The following PCK2 variants were observed in gnomAD, a reference collection of about 807,000 sequenced individuals.
The protein encoded by PCK2 is phosphoenolpyruvate carboxykinase [GTP], mitochondrial.
In PCK2, 56 loss-of-function variants were observed where a neutral mutation model predicts 65.9. The observed-to-expected ratio is 0.85, with a 90% CI of 0.69 to 1.06. The LOEUF is 1.06. PCK2 is among the 50% of genes least tolerant of loss of function. The pLI, the probability that PCK2 is intolerant of heterozygous loss-of-function variation, is 0.00. For missense variants in PCK2, 843 were observed against 863.1 expected (o/e 0.98, Z 0.29); for synonymous variants, 305 against 319.6 (o/e 0.95, Z 0.49).
rs564021964 is a variant in PCK2, at chr14:24,100,134, C to T, written c.1155C>T (p.Gly385=). 2.6e-4 allele frequency: 417 copies of T among 1,613,396 alleles called. 2 individuals carry two copies. The highest frequency in any genetic ancestry group is 2.2e-3 in the South Asian group (204 of 90,982). The change falls in exon 7 of 10, where the codon GGC becomes GGT. Residue 385 remains glycine, a synonymous_variant. Coordinates refer to ENST00000216780, the MANE Select transcript of PCK2 (RefSeq NM_004563.4). The part of the protein sequence containing the change: ...FTNVAETSDG[G]VYWEGIDQPL... ...ATGTGGCTGAGACCAGTGATGGTGG[C>T]GTGTACTGGGAGGGCATTGACCAGC...
At chr14:24,097,278 G>T (rs2036929096) in intron 2 of PCK2, 141 bp downstream of exon 2, 1 of 788,558 alleles carries the variant, frequency 1.3e-6, no homozygotes. Flanking sequence ...CAGAAACTGG[G>T]ATTTGCTTAC....
intron 8 of PCK2, 29 bp downstream of exon 8, chr14:24,102,919 G>A: frequency 6.2e-7 from 1 of 1,604,584 alleles, no homozygotes; most frequent in Non-Finnish European, 8.5e-7. Flanking sequence ...CCATGTTCTT[G>A]GCAAAAGGGC....
At chr14:24,098,000 G>A (rs968465693) in intron 2 of PCK2, among the ~76,000 whole-genome samples, 1 of 151,966 alleles carries the variant, frequency 6.6e-6, no homozygotes, top group South Asian at 2.1e-4. Context: ...CTTTTGCCAG[G>A]GGCAGAGACC....
chr14:24,099,101 C>G lies in PCK2; in HGVS notation c.717C>G (p.His239Gln), dbSNP rs1320018785. Residue 239 changes from histidine to glutamine, a missense_variant, in exon 5 of 10, where the codon CAC (histidine) becomes CAG (glutamine). By Grantham distance (24) the His-to-Gln change is conservative. Transcript: ENST00000216780. ...ACCCAGAGAAAACCCTGATTGGCCA[C>G]GTGCCCGACCAGCGGGAGATCATCT... ...PCNPEKTLIG[H>Q]VPDQREIISF... is the part of the protein sequence containing the mutation. 1 of 1,611,848 alleles carries G rather than the reference C, an allele frequency of 6.2e-7. No individual in the cohort carries two copies. Among genetic ancestry groups the G allele is most frequent in the South Asian group, 1.1e-5 (1 of 91,066 alleles).
At chr14:24,098,096 A>G (rs987670821) in intron 2 of PCK2, 107 bp from the exon 3 acceptor site, 4 of 900,464 alleles carry the variant, frequency 4.4e-6, no homozygotes, top group Admixed American at 2.8e-5. Flanking sequence ...GTGGGGAAAC[A>G]TAAGGCCAAC....
At chr14:24,100,886 G>A (rs566139581) in intron 7 of PCK2, among the ~76,000 whole-genome samples, 16 of 152,226 alleles carry the variant, frequency 1.1e-4, no homozygotes, top group South Asian at 2.1e-4. Context: ...TACCCTGGGC[G>A]CCTGGGAGTC....
Position 24,098,309 on chromosome 14 carries a change from C to G in PCK2, c.382C>G (p.Arg128Gly). The G allele has an allele frequency of 1.2e-6, 2 of 1,614,094 alleles. No homozygotes were observed. The highest frequency in any genetic ancestry group is 1.7e-6 in the Non-Finnish European group (2 of 1,179,978). ...GGTACCACTCCCGCCTGGTGGGGCC[C>G]GTGGGCAGCTGGGCAACTGGATGTC... ...DTVPLPPGGA[R>G]GQLGNWMSPA... Residue 128 changes from arginine to glycine, a missense_variant, in exon 3 of 10, where the codon CGT becomes GGT. Coordinates refer to ENST00000216780, the MANE Select transcript of PCK2 (RefSeq NM_004563.4).
intron 8 of PCK2, 71 bp from the exon 9 acceptor site, chr14:24,103,089 G>A: frequency 6.8e-6 from 9 of 1,315,414 alleles, no homozygotes; most frequent in African/African-American, 1.4e-5. Context: ...TACCAGTCAA[G>A]CTCACCAGAA....
In PCK2 at chr14:24,100,214, G is replaced by T. The variant is rs138881435; in HGVS notation, c.1234+1G>T. On this transcript the variant is annotated splice_donor_variant, in intron 7 of 9. Coordinates refer to ENST00000216780, the MANE Select transcript of PCK2 (RefSeq NM_004563.4). LOFTEE classifies it high-confidence loss of function. ...TGGCTGGGCAAACCCTGGAAACCTG[G>T]TATGTGCGGTGGGGAAGGTGTGGCA... 1.9e-3 allele frequency: 3,011 copies of T among 1,614,136 alleles called. 10 individuals are homozygous for T. The highest frequency in any genetic ancestry group is 2.2e-3 in the Non-Finnish European group (2,653 of 1,179,984).
chr14:24,100,235 T>A, intron 7 of PCK2, 22 bp downstream of exon 7: 1 of 1,613,470 alleles, frequency 6.2e-7, no homozygotes, highest in Admixed American at 1.7e-5. Flanking sequence ...GGGGAAGGTG[T>A]GGCACAGCCT....
chr14:24,099,378 C>T, intron 5 of PCK2, 142 bp downstream of exon 5: 2 of 1,012,668 alleles, frequency 2.0e-6, no homozygotes, highest in Non-Finnish European at 2.8e-6. Context: ...AAGCTTTGGC[C>T]TCAGGCTGCT....
intron 6 of PCK2, 95 bp downstream of exon 6, chr14:24,099,815 G>C: frequency 6.6e-7 from 1 of 1,518,918 alleles, no homozygotes; most frequent in South Asian, 1.1e-5. Context: ...CAGTGAGAAA[G>C]TTTCCTGAAC....
In PCK2 at chr14:24,104,109, G is replaced by T; in HGVS notation, c.*145G>T. On this transcript the variant is annotated 3_prime_UTR_variant, in exon 10 of 10. Coordinates refer to ENST00000216780, the MANE Select transcript of PCK2 (RefSeq NM_004563.4). ...CCACAAAGACTGTCCAATAATAAGA[G>T]ATGCTTATCTATTTTACACAAGATT... is the stretch of plus-strand genomic sequence containing the variant. 2 of 626,854 alleles carry T rather than the reference G, an allele frequency of 3.2e-6. No individual in the cohort carries two copies. The highest frequency in any genetic ancestry group is 3.9e-5 in the South Asian group (2 of 50,800). 38.8% of individuals were successfully genotyped at this position (626,854 alleles called of 1,614,324 possible). A position where few individuals can be genotyped will look rare whatever the true frequency, so the allele number is the denominator to read the frequency against.
chr14:24,094,758 C>T lies in PCK2; in HGVS notation c.29+324C>T. On this transcript the variant is annotated intron_variant, in intron 1 of 9. Transcript: ENST00000216780. This position sits in a 1 kb window ranked among gnomAD's most constrained non-coding sequence, Gnocchi z 4.1. ...CCAGGTCTCCGCATATCCTCCTTTCCTTCCCAGATACCTCCCTCGGACCTC... is the reference window on the plus strand; with the variant it reads ...CCAGGTCTCCGCATATCCTCCTTTCTTTCCCAGATACCTCCCTCGGACCTC... The T allele has an allele frequency of 6.9e-7, 1 of 1,446,976 alleles. No individual in the cohort carries two copies. Among genetic ancestry groups the T allele is most frequent in the Non-Finnish European group, 9.2e-7 (1 of 1,090,202 alleles). 89.6% of individuals were successfully genotyped at this position (1,446,976 alleles called of 1,614,324 possible).
Position 24,099,980 on chromosome 14 carries a change from C to T in PCK2, c.1016-15C>T, listed in dbSNP as rs2138960294. The T allele has an allele frequency of 2.5e-6, 4 of 1,614,184 alleles. No homozygotes were observed. The highest frequency in any genetic ancestry group is 1.1e-5 in the South Asian group (1 of 91,080). ...TCCTTGTTTGGTCCTTCCTTTCTTT[C>T]ACTTCTCCTAACAGGTCGACTCCGG... On this transcript the variant is annotated splice_polypyrimidine_tract_variant and intron_variant, in intron 6 of 9. Coordinates refer to ENST00000216780, the MANE Select transcript of PCK2 (RefSeq NM_004563.4).
chr14:24,099,477 A>C, intron 5 of PCK2, 81 bp from the exon 6 acceptor site: 1 of 1,328,766 alleles, frequency 7.5e-7, no homozygotes, highest in Non-Finnish European at 1.0e-6. Context: ...TCCCTATTAG[A>C]CCCTAGCTGC....
In PCK2 at chr14:24,099,976, C is replaced by T; in HGVS notation, c.1016-19C>T. On this transcript the variant is annotated intron_variant, in intron 6 of 9. Coordinates refer to ENST00000216780, the MANE Select transcript of PCK2 (RefSeq NM_004563.4). ...GTTTTCCTTGTTTGGTCCTTCCTTT[C>T]TTTCACTTCTCCTAACAGGTCGACT... is the stretch of plus-strand genomic sequence containing the variant. 6.2e-7 allele frequency: 1 copy of T among 1,614,188 alleles called. No individual in the cohort carries two copies. Among genetic ancestry groups the T allele is most frequent in the Non-Finnish European group, 8.5e-7 (1 of 1,180,034 alleles).
In PCK2 at chr14:24,103,885, CAG is replaced by C; in HGVS notation, c.1847_1848del (p.Glu616AlafsTer13). The C allele has an allele frequency of 6.2e-7, 1 of 1,614,114 alleles. No individual in the cohort carries two copies. Among genetic ancestry groups the C allele is most frequent in the Admixed American group, 1.7e-5 (1 of 60,024 alleles). On this transcript the variant is annotated frameshift_variant, in exon 10 of 10. Transcript: ENST00000216780. LOFTEE classifies it high-confidence loss of function. ...GTTCGTGACATTCGGAGCTACCTGA[CAG>C]AGCAGGTCAACCAGGATCTGCCCAA... is the stretch of plus-strand genomic sequence containing the variant.
Position 24,101,103 on chromosome 14 carries a change from C to T in PCK2, c.1234+890C>T, listed in dbSNP as rs186748336. ...TTCATCTAATCACCCTTTATTTTTA[C>T]TAACACCATCATTAAGCCCCCCTCA... On this transcript the variant is annotated intron_variant, in intron 7 of 9. Transcript: ENST00000216780. 4.6e-5 allele frequency among the ~76,000 whole-genome samples: 7 copies of T among 152,286 alleles called. No individual in the cohort carries two copies. The East Asian group carries it at 1.3e-3, about 29-fold the overall frequency.
Sources: allele counts gnomAD v4.1 joint callset (sites outside exome capture counted in the v4.1 genomes callset), GRCh38; gene constraint gnomAD v4.1.1; non-coding constraint Gnocchi (gnomAD v3.1); transcripts MANE v1.5; gene names NCBI Gene and HGNC (gene_info 2026-07-23, HGNC 2026-07-21).